The following TRPM3 variants were observed in gnomAD, a reference collection of about 807,000 sequenced individuals.
TRPM3 encodes the protein long transient receptor potential channel 3.
A neutral mutation model predicts 181.2 loss-of-function variants in TRPM3; 77 were observed. The observed-to-expected ratio is 0.42, with a 90% confidence interval of 0.35 to 0.51. The LOEUF is 0.51. Ranked by LOEUF, TRPM3 falls within the 20% of genes least tolerant of loss-of-function variation. The probability of loss-of-function intolerance (pLI) is 0.01; values close to 1 mark genes in which losing one functional copy is unlikely to be tolerated. For missense variants in TRPM3, 1,759 were observed against 2,196.7 expected (o/e 0.80, Z 3.98); for synonymous variants, 745 against 796.4 (o/e 0.94, Z 1.09).
chr9:70,618,024 T>C lies in TRPM3; in HGVS notation c.2358+843A>G, dbSNP rs753146769. On this transcript the variant is annotated intron_variant, in intron 17 of 25. Coordinates refer to ENST00000677713, the MANE Select transcript of TRPM3 (RefSeq NM_001366145.2). ...CTCTCAAAAAACCCATCTTGTTGTATACCTTAAATTAAAACAAACAAAAAA... is the reference window on the plus strand; with the variant it reads ...CTCTCAAAAAACCCATCTTGTTGTACACCTTAAATTAAAACAAACAAAAAA... 7.2e-5 allele frequency among the ~76,000 whole-genome samples: 11 copies of C among 152,170 alleles called. No individual in the cohort carries two copies. In the South Asian group the frequency reaches 8.3e-4, roughly 11 times the overall value.
rs535464904 is a variant in TRPM3 at position 71,127,588 on chromosome 9, T to A, written c.184-263077A>T. On this transcript the variant is annotated intron_variant, in intron 1 of 24. Transcript: ENST00000357533. ...TAGTTTCCACATTGTAAGAATGGGGTCTACAATAGTTTCCACCTCCAGGTT... is the reference window on the plus strand; with the variant it reads ...TAGTTTCCACATTGTAAGAATGGGGACTACAATAGTTTCCACCTCCAGGTT... 9.2e-5 allele frequency among the ~76,000 whole-genome samples: 14 copies of A among 152,236 alleles called. No homozygotes were observed. The South Asian group carries it at 1.7e-3, about 18-fold the overall frequency.
chr9:71,234,740 G>C (rs939010590), intron 1 of TRPM3, among the ~76,000 whole-genome samples: 7 of 152,152 alleles, frequency 4.6e-5, no homozygotes, highest in Non-Finnish European at 8.8e-5. Flanking sequence ...CTGAGGTAGT[G>C]AAGATTAGGA....
chr9:71,394,561 CA>C (rs1257272102), intron 1 of TRPM3, among the ~76,000 whole-genome samples: 1 of 152,092 alleles, frequency 6.6e-6, no homozygotes, highest in African/African-American at 2.4e-5. Flanking sequence ...ATAAGTCAGC[CA>C]AAAATGACCC....
At chr9:71,174,842 T>G (rs1013840157) in intron 1 of TRPM3, among the ~76,000 whole-genome samples, 4 of 151,988 alleles carry the variant, frequency 2.6e-5, no homozygotes, top group African/African-American at 9.7e-5. Flanking sequence ...GGCCACACAT[T>G]AAGTATGAGA....
intron 1 of TRPM3, among the ~76,000 whole-genome samples, chr9:71,432,779 G>A (rs563447536): frequency 7.9e-5 from 12 of 152,130 alleles, no homozygotes; most frequent in Non-Finnish European, 1.6e-4. Context: ...ATCCTATTCT[G>A]AAACTGGTAC....
At chr9:70,810,333 C>G (rs2091766607) in intron 6 of TRPM3, among the ~76,000 whole-genome samples, 1 of 150,376 alleles carries the variant, frequency 6.6e-6, no homozygotes, top group African/African-American at 2.4e-5. Context: ...ACCCCACCCT[C>G]CTCTCCATCA....
chr9:70,616,540 T>A, intron 17 of TRPM3, among the ~76,000 whole-genome samples: 2 of 138,788 alleles, frequency 1.4e-5, no homozygotes. Context: ...ATGTGTCAAG[T>A]GGAGTGGATT....
intron 9 of TRPM3, among the ~76,000 whole-genome samples, chr9:70,676,004 G>A (rs753853900): frequency 7.2e-5 from 11 of 152,024 alleles, no homozygotes; most frequent in Non-Finnish European, 1.3e-4. Flanking sequence ...TCTGCTCCAG[G>A]AACCCATTCA....
At chr9:71,181,793 A>G (rs963971613) in intron 1 of TRPM3, among the ~76,000 whole-genome samples, 5 of 152,118 alleles carry the variant, frequency 3.3e-5, no homozygotes, top group Non-Finnish European at 5.9e-5. Context: ...CAGGTGAACA[A>G]TCCTTAGACA....
chr9:70,557,646 G>A (rs2048043680), intron 22 of TRPM3, among the ~76,000 whole-genome samples: 1 of 152,186 alleles, frequency 6.6e-6, no homozygotes, highest in African/African-American at 2.4e-5. Flanking sequence ...TGTTCCCAGA[G>A]AAATGCCCCC....
At chr9:70,603,497 T>C in intron 19 of TRPM3, 27 bp from the exon 20 acceptor site, 1 of 1,611,650 alleles carries the variant, frequency 6.2e-7, no homozygotes, top group Non-Finnish European at 8.5e-7. Context: ...TACAGTGCTC[T>C]GGCTGTTCAG....
chr9:71,003,604 T>C (rs1246424776), intron 1 of TRPM3, among the ~76,000 whole-genome samples: 3 of 152,238 alleles, frequency 2.0e-5, no homozygotes, highest in Admixed American at 2.0e-4. Flanking sequence ...TAGGATGTGT[T>C]GTTGATCTTT....
chr9:71,110,712 A>G (rs745369071), intron 1 of TRPM3, among the ~76,000 whole-genome samples: 5 of 152,236 alleles, frequency 3.3e-5, no homozygotes, highest in Admixed American at 6.5e-5. Context: ...TAACTCAGCT[A>G]GGATATTAAT....
intron 1 of TRPM3, among the ~76,000 whole-genome samples, chr9:71,284,946 T>C (rs2085156185): frequency 6.6e-6 from 1 of 152,236 alleles, no homozygotes; most frequent in Non-Finnish European, 1.5e-5. Flanking sequence ...TCAAAATAAC[T>C]TTTATAGACT....
chr9:71,047,760 C>T (rs1029479336), intron 1 of TRPM3, among the ~76,000 whole-genome samples: 1 of 150,480 alleles, frequency 6.6e-6, no homozygotes, highest in Non-Finnish European at 1.5e-5. Flanking sequence ...GGTACATATG[C>T]AATTGCCACA....
chr9:70,926,678 T>C (rs1484360793), intron 1 of TRPM3, among the ~76,000 whole-genome samples: 1 of 152,218 alleles, frequency 6.6e-6, no homozygotes, highest in African/African-American at 2.4e-5. Context: ...TAACCTATTG[T>C]TTTTAAGCAG....
chr9:71,392,032 A>G (rs964979018), intron 1 of TRPM3, among the ~76,000 whole-genome samples: 4 of 152,096 alleles, frequency 2.6e-5, no homozygotes, highest in African/African-American at 9.7e-5. Flanking sequence ...AATTCAGTAG[A>G]ATTTGAGTGA....
chr9:70,620,444 T>C, intron 15 of TRPM3, 79 bp from the exon 16 acceptor site: 1 of 1,462,326 alleles, frequency 6.8e-7, no homozygotes, highest in South Asian at 1.3e-5. Context: ...GTATATCTTC[T>C]CCCAGCTAGC....
chr9:71,146,586 A>G (rs1036867391), intron 1 of TRPM3, among the ~76,000 whole-genome samples: 4 of 152,072 alleles, frequency 2.6e-5, no homozygotes, highest in Non-Finnish European at 5.9e-5. Context: ...AGTAGTGGAG[A>G]CTGGTTTTTT....
Sources: allele counts gnomAD v4.1 joint callset (sites outside exome capture counted in the v4.1 genomes callset), GRCh38; gene constraint gnomAD v4.1.1; transcripts MANE v1.5; gene names NCBI Gene and HGNC (gene_info 2026-07-23, HGNC 2026-07-21).